PPARGC1B: variants seen among roughly 807,000 people sequenced by gnomAD.
The protein encoded by PPARGC1B is peroxisome proliferator-activated receptor gamma coactivator 1-beta.
A neutral mutation model predicts 101.6 loss-of-function variants in PPARGC1B; 34 were observed. The ratio of observed to expected loss-of-function variants is 0.33; its 90% CI spans 0.25 to 0.45. PPARGC1B has a LOEUF of 0.45. PPARGC1B is among the 20% of genes least tolerant of loss of function. PPARGC1B has a pLI of 1.00. For synonymous variants in PPARGC1B, 548 were observed against 539.3 expected (o/e 1.02, Z -0.22); for missense variants, 1,234 against 1,317.6 (o/e 0.94, Z 0.98).
At chr5:149,808,836 C>T (rs1386083967) in intron 1 of PPARGC1B, among the ~76,000 whole-genome samples, 2 of 152,138 alleles carry the variant, frequency 1.3e-5, no homozygotes, top group Admixed American at 1.3e-4. Flanking sequence ...CAGACACAGC[C>T]CCTGCTCACA....
At chr5:149,830,067 A>C (rs1408174619) in intron 3 of PPARGC1B, among the ~76,000 whole-genome samples, 5 of 148,498 alleles carry the variant, frequency 3.4e-5, no homozygotes, top group African/African-American at 7.5e-5. Context: ...AAAAAAAAAA[A>C]AAACAGGGTG....
chr5:149,817,878 A>C (rs1036937213), intron 1 of PPARGC1B: 7 of 453,278 alleles, frequency 1.5e-5, no homozygotes, highest in Non-Finnish European at 3.1e-5. Context: ...TATTTACCCA[A>C]GAGAAGTAAA....
intron 1 of PPARGC1B, chr5:149,818,776 A>T (rs979454526): frequency 8.8e-6 from 4 of 455,042 alleles, no homozygotes; most frequent in Non-Finnish European, 1.8e-5. Context: ...TTGTTATATT[A>T]CTCTTAGCTG....
At chr5:149,774,575 T>G (rs1471125855) in intron 1 of PPARGC1B, among the ~76,000 whole-genome samples, 2 of 151,826 alleles carry the variant, frequency 1.3e-5, no homozygotes, top group Non-Finnish European at 2.9e-5. Context: ...CTCCCAGCTT[T>G]GACATTCATT....
chr5:149,841,529 T>C (rs1175939298), intron 9 of PPARGC1B, among the ~76,000 whole-genome samples: 2 of 152,212 alleles, frequency 1.3e-5, no homozygotes, highest in East Asian at 3.9e-4. Context: ...AGAGCAAGCC[T>C]GTCCAGGACA....
At chr5:149,786,588 C>G (rs1756817927) in intron 1 of PPARGC1B, among the ~76,000 whole-genome samples, 1 of 152,300 alleles carries the variant, frequency 6.6e-6, no homozygotes, top group African/African-American at 2.4e-5. Context: ...GAGCCAAGAT[C>G]CAGAGGCAGG....
rs577425073 is a variant in PPARGC1B, at chr5:149,840,789, G to A, written c.2694+673G>A. ...AGGCTATGTCACTAGAAAGGAAGGA[G>A]GAAAGTAGGATGGAAACACAAAAAG... On this transcript the variant is annotated intron_variant, in intron 9 of 11. Transcript: ENST00000309241. Among the ~76,000 whole-genome samples, 3 of 152,332 alleles carry A rather than the reference G, an allele frequency of 2.0e-5. No homozygotes were observed. In the South Asian group the frequency reaches 6.2e-4, roughly 32 times the overall value.
intron 1 of PPARGC1B, among the ~76,000 whole-genome samples, chr5:149,773,883 G>A (rs990251263): frequency 6.6e-6 from 1 of 152,074 alleles, no homozygotes; most frequent in African/African-American, 2.4e-5. Flanking sequence ...GGGGACTGTG[G>A]GCGGGGCTCA....
rs760565027 is a variant in PPARGC1B at position 149,847,562 on chromosome 5, C to T, written c.*4C>T. On this transcript the variant is annotated 3_prime_UTR_variant, in exon 12 of 12. Coordinates refer to ENST00000309241, the MANE Select transcript of PPARGC1B (RefSeq NM_133263.4). ...GGCCCAGCAGAGCCTGCATTGATAA[C>T]AGCCTTAACCCTCGAGGAATACCTC... is the stretch of plus-strand genomic sequence containing the variant. 1 of 1,606,656 alleles carries T rather than the reference C, an allele frequency of 6.2e-7. No individual in the cohort carries two copies. The highest frequency in any genetic ancestry group is 2.2e-5 in the East Asian group (1 of 44,844).
chr5:149,772,033 A>G, intron 1 of PPARGC1B: 1 of 1,494,592 alleles, frequency 6.7e-7, no homozygotes, highest in Non-Finnish European at 8.9e-7. Flanking sequence ...GAAGGTTTCC[A>G]ACTTAGACGT....
intron 1 of PPARGC1B, among the ~76,000 whole-genome samples, chr5:149,750,150 T>C (rs1755234122): frequency 6.6e-6 from 1 of 151,910 alleles, no homozygotes; most frequent in Non-Finnish European, 1.5e-5. Context: ...ACGAGTGGGT[T>C]TGGAAGGAGG....
chr5:149,785,111 A>G (rs1284109328), intron 1 of PPARGC1B, among the ~76,000 whole-genome samples: 1 of 152,198 alleles, frequency 6.6e-6, no homozygotes, highest in Non-Finnish European at 1.5e-5. Context: ...GGAGATCTGG[A>G]GAGAACCCTC....
intron 1 of PPARGC1B, among the ~76,000 whole-genome samples, chr5:149,784,818 T>C (rs982156595): frequency 1.3e-5 from 2 of 151,950 alleles, no homozygotes; most frequent in African/African-American, 4.8e-5. Context: ...CCGCCTGCCT[T>C]GGCCTCCCAA....
chr5:149,792,897 A>C (rs189351702), intron 1 of PPARGC1B, among the ~76,000 whole-genome samples: 61 of 152,134 alleles, frequency 4.0e-4, no homozygotes, highest in African/African-American at 1.4e-3. Flanking sequence ...GAAAAAATGC[A>C]ACTTCTACCC....
intron 1 of PPARGC1B, among the ~76,000 whole-genome samples, chr5:149,734,351 T>C (rs1754613315): frequency 6.8e-6 from 1 of 147,036 alleles, no homozygotes; most frequent in Non-Finnish European, 1.5e-5. Flanking sequence ...AAAAAGGAGT[T>C]ATCCTGAATA....
chr5:149,845,725 C>T (rs1179855413), intron 10 of PPARGC1B, 35 bp from the exon 11 acceptor site: 1 of 1,564,834 alleles, frequency 6.4e-7, no homozygotes, highest in Non-Finnish European at 8.7e-7. Context: ...ACCCAGCCAG[C>T]CCAATAACAT....
intron 1 of PPARGC1B, among the ~76,000 whole-genome samples, chr5:149,752,079 T>C (rs1263084580): frequency 6.6e-6 from 1 of 152,230 alleles, no homozygotes; most frequent in Admixed American, 6.5e-5. Flanking sequence ...CAGCTGCTGA[T>C]ATTGCTGCCT....
At chr5:149,842,128 C>T (rs1245514323) in intron 9 of PPARGC1B, 128 bp from the exon 10 acceptor site, 13 of 1,203,962 alleles carry the variant, frequency 1.1e-5, no homozygotes, top group Non-Finnish European at 1.4e-5. Context: ...CTCTCTGACT[C>T]CAGCCGGTAT....
chr5:149,750,633 C>T (rs1028162601), intron 1 of PPARGC1B, among the ~76,000 whole-genome samples: 22 of 152,028 alleles, frequency 1.4e-4, no homozygotes, highest in East Asian at 5.8e-4. Flanking sequence ...CTTACAGAGC[C>T]GCTGCTGGCT....
Sources: allele counts gnomAD v4.1 joint callset (sites outside exome capture counted in the v4.1 genomes callset), GRCh38; gene constraint gnomAD v4.1.1; transcripts MANE v1.5; gene names NCBI Gene and HGNC (gene_info 2026-07-23, HGNC 2026-07-21).